Variants in LOC400499 observed in about 807,000 individuals in gnomAD.
chr16:11,443,807 AG>A, the LOC400499 span, among the ~76,000 whole-genome samples: 1 of 151,206 alleles, frequency 6.6e-6, no homozygotes, highest in South Asian at 2.1e-4. Flanking sequence ...ACCCTCAGCC[AG>A]GGGTGGTGAC....
At chr16:11,446,909 G>T in the LOC400499 span, 6 of 1,533,634 alleles carry the variant, frequency 3.9e-6, no homozygotes, top group Middle Eastern at 1.8e-4. Context: ...TGCAACGGGT[G>T]CCTGGTGTGC....
At chr16:11,519,690 C>A in the LOC400499 span, among the ~76,000 whole-genome samples, 1 of 150,322 alleles carries the variant, frequency 6.7e-6, no homozygotes, top group Non-Finnish European at 1.5e-5. Flanking sequence ...CAAAAAGTCA[C>A]GTATTATGTG....
the LOC400499 span, among the ~76,000 whole-genome samples, chr16:11,430,261 C>A: frequency 2.0e-5 from 3 of 152,042 alleles, no homozygotes; most frequent in Admixed American, 6.6e-5. Flanking sequence ...GGAGGCAGAT[C>A]GATCACTTGA....
chr16:11,468,051 A>G, the LOC400499 span, among the ~76,000 whole-genome samples: 1 of 152,266 alleles, frequency 6.6e-6, no homozygotes, highest in Non-Finnish European at 1.5e-5. Flanking sequence ...CAGGAGCGAG[A>G]CCTAGGTCAG....
the LOC400499 span, among the ~76,000 whole-genome samples, chr16:11,453,197 G>C: frequency 6.6e-6 from 1 of 152,126 alleles, no homozygotes; most frequent in East Asian, 1.9e-4. Flanking sequence ...TTTCATAAAA[G>C]GATTTTAAGG....
the LOC400499 span, among the ~76,000 whole-genome samples, chr16:11,374,154 C>A: frequency 6.6e-6 from 1 of 152,146 alleles, no homozygotes. Flanking sequence ...GTCTAATAAG[C>A]CTACTATCTG....
At chr16:11,476,981 G>A in the LOC400499 span, 5 of 399,260 alleles carry the variant, frequency 1.3e-5, no homozygotes, top group African/African-American at 8.2e-5. Flanking sequence ...GCATCCCGAG[G>A]GCCCTGGGGC....
chr16:11,447,519 A>G, the LOC400499 span, among the ~76,000 whole-genome samples: 1 of 152,176 alleles, frequency 6.6e-6, no homozygotes, highest in Non-Finnish European at 1.5e-5. Context: ...TTCCTTTGTC[A>G]TCACTGCTTC....
chr16:11,461,664 C>G, the LOC400499 span, among the ~76,000 whole-genome samples: 2 of 152,178 alleles, frequency 1.3e-5, no homozygotes, highest in Non-Finnish European at 2.9e-5. Context: ...GAAACTGGGC[C>G]AGCTGTTATG....
chr16:11,401,978 C>A, the LOC400499 span: 1 of 399,168 alleles, frequency 2.5e-6, no homozygotes, highest in Non-Finnish European at 4.4e-6. Flanking sequence ...AGACCCCGCT[C>A]AGCCTGCAGG....
the LOC400499 span, among the ~76,000 whole-genome samples, chr16:11,496,910 G>A: frequency 6.6e-6 from 1 of 151,632 alleles, no homozygotes; most frequent in Non-Finnish European, 1.5e-5. Flanking sequence ...GTGTGTGTGT[G>A]TGTGTGTGTG....
At chr16:11,488,773 G>A in the LOC400499 span, 28 of 399,032 alleles carry the variant, frequency 7.0e-5, no homozygotes, top group African/African-American at 5.3e-4. Context: ...ACTCCTGGCT[G>A]AGGATGTCCT....
the LOC400499 span, among the ~76,000 whole-genome samples, chr16:11,512,797 G>A: frequency 1.3e-5 from 2 of 152,122 alleles, no homozygotes; most frequent in Non-Finnish European, 2.9e-5. Context: ...CTGGGTCCTG[G>A]CAAGCCTGGA....
chr16:11,439,870 T>G, the LOC400499 span, among the ~76,000 whole-genome samples: 5 of 152,050 alleles, frequency 3.3e-5, no homozygotes, highest in African/African-American at 9.6e-5. Flanking sequence ...CACCTTCTAC[T>G]TGACCCTGAC....
the LOC400499 span, among the ~76,000 whole-genome samples, chr16:11,427,179 G>A: frequency 3.3e-5 from 5 of 151,252 alleles, no homozygotes; most frequent in South Asian, 8.4e-4. Flanking sequence ...CCAACAAGGA[G>A]AAACCCCGTC....
chr16:11,387,754 G>A, the LOC400499 span, among the ~76,000 whole-genome samples: 1 of 151,936 alleles, frequency 6.6e-6, no homozygotes, highest in Admixed American at 6.6e-5. Context: ...CTCCCAAGTA[G>A]CTGGGACTAC....
the LOC400499 span, chr16:11,435,564 G>C: frequency 2.5e-6 from 1 of 398,396 alleles, no homozygotes. Context: ...GGGAACAGAA[G>C]AGGGGCCTCT....
chr16:11,488,742 G>C, the LOC400499 span: 1 of 398,982 alleles, frequency 2.5e-6, no homozygotes, highest in Non-Finnish European at 4.4e-6. Context: ...TAGGACGAGT[G>C]TTTCCACATT....
At chr16:11,485,598 C>T in the LOC400499 span, among the ~76,000 whole-genome samples, 5 of 152,212 alleles carry the variant, frequency 3.3e-5, no homozygotes, top group South Asian at 1.0e-3. Flanking sequence ...TCCTTTCATC[C>T]TTCCCACGCA....
Sources: gnomAD v4.1 joint callset for allele counts (sites outside exome capture counted in the v4.1 genomes callset) on GRCh38, gnomAD v4.1.1 for gene constraint, MANE v1.5 for transcripts.